RIT2: variants seen among roughly 807,000 people sequenced by gnomAD.
RIT2 encodes the protein Ras like without CAAX 2.
RIT2 carries 24 observed loss-of-function variants against 23.7 expected under a neutral mutation model. The ratio of observed to expected loss-of-function variants is 1.01; its 90% CI spans 0.73 to 1.43. The LOEUF (loss-of-function observed/expected upper bound fraction) is 1.43, where lower values mean the gene tolerates loss of function less well. Ranked by LOEUF, RIT2 falls within the 40% of genes most tolerant of loss-of-function variation. The pLI is 0.00. For missense variants in RIT2, 236 were observed against 266.9 expected (o/e 0.88, Z 0.81); for synonymous variants, 107 against 91.1 (o/e 1.17, Z -0.99).
At chr18:43,114,067 C>T (rs1333901123) in intron 1 of RIT2, among the ~76,000 whole-genome samples, 1 of 152,088 alleles carries the variant, frequency 6.6e-6, no homozygotes, top group Non-Finnish European at 1.5e-5. Flanking sequence ...TTGATTCCTT[C>T]CTTCTCAAAT....
intron 3 of RIT2, among the ~76,000 whole-genome samples, chr18:42,947,353 T>TA (rs1246974536): frequency 3.3e-5 from 5 of 152,106 alleles, no homozygotes; most frequent in Non-Finnish European, 5.9e-5. Flanking sequence ...GAGTCCAGGT[T>TA]AAATTGTTTG....
intron 4 of RIT2, among the ~76,000 whole-genome samples, chr18:42,890,662 T>C (rs1246497296): frequency 1.3e-5 from 2 of 152,108 alleles, no homozygotes; most frequent in Non-Finnish European, 2.9e-5. Context: ...CAGAATTATC[T>C]TCTTGTTAAA....
chr18:43,024,134 G>A (rs1296878984), intron 2 of RIT2, among the ~76,000 whole-genome samples: 6 of 152,068 alleles, frequency 3.9e-5, no homozygotes, highest in African/African-American at 1.4e-4. Flanking sequence ...GAAATGAGGA[G>A]CTACTGAAGG....
At chr18:42,904,726 TGG>T (rs1414659264) in intron 4 of RIT2, among the ~76,000 whole-genome samples, 21 of 152,132 alleles carry the variant, frequency 1.4e-4, no homozygotes, top group African/African-American at 5.1e-4. Flanking sequence ...AAGAATTAGT[TGG>T]GATATATAAG....
At chr18:42,847,050 G>A (rs1205100601) in intron 4 of RIT2, among the ~76,000 whole-genome samples, 1 of 152,052 alleles carries the variant, frequency 6.6e-6, no homozygotes, top group Non-Finnish European at 1.5e-5. Context: ...CCAAATTCGA[G>A]TGTTGACAAC....
At chr18:42,748,786 AG>A (rs1222361621) in intron 4 of RIT2, among the ~76,000 whole-genome samples, 2 of 151,984 alleles carry the variant, frequency 1.3e-5, no homozygotes, top group Non-Finnish European at 2.9e-5. Flanking sequence ...GGTGGATAAA[AG>A]GCTACACATT....
intron 2 of RIT2, among the ~76,000 whole-genome samples, chr18:43,029,285 T>A (rs76559683): frequency 6.6e-6 from 1 of 152,058 alleles, no homozygotes; most frequent in Non-Finnish European, 1.5e-5. Context: ...GCATTCTCAG[T>A]TGAGTCAATT....
chr18:42,930,715 G>C (rs1320684159), intron 3 of RIT2, among the ~76,000 whole-genome samples: 1 of 151,994 alleles, frequency 6.6e-6, no homozygotes, highest in Non-Finnish European at 1.5e-5. Flanking sequence ...CATCCAAATG[G>C]AACCATCCAT....
At chr18:42,944,175 C>T (rs1205365766) in intron 3 of RIT2, among the ~76,000 whole-genome samples, 3 of 152,082 alleles carry the variant, frequency 2.0e-5, no homozygotes, top group Admixed American at 1.3e-4. Context: ...ATGCAGACTG[C>T]CCCCTACCCT....
chr18:42,978,897 C>T (rs549574191), intron 2 of RIT2, among the ~76,000 whole-genome samples: 53 of 152,120 alleles, frequency 3.5e-4, no homozygotes, highest in African/African-American at 1.1e-3. Flanking sequence ...CACTAGTCAA[C>T]GCATGGGAGT....
At chr18:43,009,131 G>T (rs938153097) in intron 2 of RIT2, among the ~76,000 whole-genome samples, 12 of 151,382 alleles carry the variant, frequency 7.9e-5, no homozygotes, top group African/African-American at 2.9e-4. Flanking sequence ...CCAACCCATC[G>T]CAATGTCAGT....
chr18:42,950,083 T>C (rs893001805), intron 3 of RIT2, among the ~76,000 whole-genome samples: 1 of 152,156 alleles, frequency 6.6e-6, no homozygotes, highest in Non-Finnish European at 1.5e-5. Context: ...TCTTCCAACA[T>C]TTTGTGCTTC....
intron 2 of RIT2, among the ~76,000 whole-genome samples, chr18:42,993,208 A>C (rs1006275790): frequency 2.6e-5 from 4 of 152,152 alleles, no homozygotes; most frequent in Non-Finnish European, 4.4e-5. Context: ...ATTCCTCCTA[A>C]GCCACGTCCT....
chr18:42,999,532 G>A (rs1403164987), intron 2 of RIT2, among the ~76,000 whole-genome samples: 1 of 152,038 alleles, frequency 6.6e-6, no homozygotes, highest in African/African-American at 2.4e-5. Context: ...GGGCAAAAGA[G>A]GTTGTTTCCA....
intron 3 of RIT2, among the ~76,000 whole-genome samples, chr18:42,932,230 A>G (rs1020700259): frequency 6.6e-6 from 1 of 152,192 alleles, no homozygotes; most frequent in Non-Finnish European, 1.5e-5. Context: ...GTTCTTGACC[A>G]TCATTAAGTG....
chr18:42,928,673 A>G (rs1019281047), intron 3 of RIT2, among the ~76,000 whole-genome samples: 1 of 152,012 alleles, frequency 6.6e-6, no homozygotes, highest in Non-Finnish European at 1.5e-5. Context: ...TTTGCAAAGC[A>G]AAAGGATTGC....
At chr18:42,887,217 T>C (rs1267178634) in intron 4 of RIT2, among the ~76,000 whole-genome samples, 1 of 152,002 alleles carries the variant, frequency 6.6e-6, no homozygotes, top group Non-Finnish European at 1.5e-5. Flanking sequence ...ATTCAGAAGA[T>C]AAAAAATGCA....
chr18:42,792,345 C>T (rs191871698), intron 4 of RIT2, among the ~76,000 whole-genome samples: 1 of 152,080 alleles, frequency 6.6e-6, no homozygotes, highest in African/African-American at 2.4e-5. Flanking sequence ...GAGCTTAGTA[C>T]ACGGGGGAAA....
At chr18:42,785,386 C>T (rs934977633) in intron 4 of RIT2, among the ~76,000 whole-genome samples, 1 of 151,458 alleles carries the variant, frequency 6.6e-6, no homozygotes, top group African/African-American at 2.4e-5. Context: ...CATCCCAGTA[C>T]ATGGAGTTGA....
Sources: allele counts gnomAD v4.1 joint callset (sites outside exome capture counted in the v4.1 genomes callset), GRCh38; gene constraint gnomAD v4.1.1; transcripts MANE v1.5; gene names NCBI Gene and HGNC (gene_info 2026-07-23, HGNC 2026-07-21).